KLHL1: variants seen among roughly 807,000 people sequenced by gnomAD.
KLHL1 encodes the protein kelch-like protein 1.
Under a neutral mutation model 77.7 loss-of-function variants are expected in KLHL1, and 47 were observed. The observed-to-expected ratio is 0.60, with a 90% CI of 0.48 to 0.77. KLHL1 has a LOEUF of 0.77. Ranked by LOEUF, KLHL1 falls within the 30% of genes least tolerant of loss-of-function variation. The pLI is 0.00. For missense variants in KLHL1, 925 were observed against 910.8 expected (o/e 1.02, Z -0.20); for synonymous variants, 360 against 325.2 (o/e 1.11, Z -1.15).
At chr13:70,037,200 T>G (rs76764434) in intron 1 of KLHL1, among the ~76,000 whole-genome samples, 1 of 152,120 alleles carries the variant, frequency 6.6e-6, no homozygotes, top group East Asian at 1.9e-4. Flanking sequence ...TTTTCCTTCA[T>G]GCATTCTTGA....
At position 69,866,462 on chromosome 13, in the gene KLHL1, A is replaced by T. The variant is rs186712711; in HGVS notation, c.1227+15821T>A. Among the ~76,000 whole-genome samples, 21 of 152,244 alleles carry T rather than the reference A, an allele frequency of 1.4e-4. No homozygotes were observed. The East Asian group carries it at 2.7e-3, about 20-fold the overall frequency. The stretch of plus-strand genomic sequence containing the variant: ...TTAAGCTTTACCATTAAGAATCCCA[A>T]AGTTAAAACAAAAATCATCTAGAAC... On this transcript the variant is annotated intron_variant, in intron 5 of 10. Coordinates refer to ENST00000377844, the MANE Select transcript of KLHL1 (RefSeq NM_020866.3).
chr13:69,992,921 G>C (rs961246758), intron 1 of KLHL1, among the ~76,000 whole-genome samples: 3 of 141,926 alleles, frequency 2.1e-5, no homozygotes, highest in African/African-American at 7.7e-5. Context: ...ATGCTGCAGA[G>C]GGAAAAAAAA....
intron 8 of KLHL1, among the ~76,000 whole-genome samples, chr13:69,724,824 G>C (rs1873224419): frequency 6.6e-6 from 1 of 152,030 alleles, no homozygotes; most frequent in South Asian, 2.1e-4. Flanking sequence ...AGCTTGGATA[G>C]GAAGAAATGG....
chr13:69,729,324 T>G (rs1873440059), intron 8 of KLHL1, among the ~76,000 whole-genome samples: 1 of 152,176 alleles, frequency 6.6e-6, no homozygotes, highest in South Asian at 2.1e-4. Context: ...AACACACTCA[T>G]TAATTTTAAG....
intron 4 of KLHL1, among the ~76,000 whole-genome samples, chr13:69,911,434 T>C (rs1882235738): frequency 6.6e-6 from 1 of 152,048 alleles, no homozygotes; most frequent in Non-Finnish European, 1.5e-5. Context: ...ATATGAAATA[T>C]ATTGCTGAGT....
intron 1 of KLHL1, among the ~76,000 whole-genome samples, chr13:70,025,301 A>G (rs1187224193): frequency 6.6e-6 from 1 of 152,012 alleles, no homozygotes; most frequent in East Asian, 1.9e-4. Flanking sequence ...ACCAAAACAT[A>G]GGCTGTAATT....
chr13:70,053,438 G>T (rs1298578937), intron 1 of KLHL1, among the ~76,000 whole-genome samples: 1 of 151,980 alleles, frequency 6.6e-6, no homozygotes, highest in Non-Finnish European at 1.5e-5. Flanking sequence ...ATGTGATTTA[G>T]AAACAACTCA....
intron 6 of KLHL1, among the ~76,000 whole-genome samples, chr13:69,797,419 AT>A (rs1877158211): frequency 1.3e-5 from 2 of 152,310 alleles, no homozygotes; most frequent in South Asian, 4.1e-4. Flanking sequence ...TTTTCTTTAA[AT>A]TTGTCATACG....
At chr13:69,971,885 G>A (rs977656521) in intron 2 of KLHL1, among the ~76,000 whole-genome samples, 2 of 152,048 alleles carry the variant, frequency 1.3e-5, no homozygotes, top group Non-Finnish European at 2.9e-5. Context: ...GTTTTAATTA[G>A]TGCAAAGAAA....
At position 69,750,302 on chromosome 13, in the gene KLHL1, G is replaced by A. The variant is rs904388840; in HGVS notation, c.1640-9746C>T. On this transcript the variant is annotated intron_variant, in intron 7 of 10. Coordinates refer to ENST00000377844, the MANE Select transcript of KLHL1 (RefSeq NM_020866.3). ...TGTAAAATCAGTGATTAGGGTGACT[G>A]AATTCCAATGCTCTCAGATAGTTTT... 4.0e-5 allele frequency among the ~76,000 whole-genome samples: 6 copies of A among 151,788 alleles called. No homozygotes were observed. In the South Asian group the frequency reaches 1.2e-3, roughly 31 times the overall value.
At position 70,048,130 on chromosome 13, in the gene KLHL1, T is replaced by C. The variant is rs1886546182; in HGVS notation, c.497+59073A>G. Among the ~76,000 whole-genome samples the C allele has an allele frequency of 2.0e-5, 3 of 152,222 alleles. No homozygotes were observed. In the South Asian group the frequency reaches 6.2e-4, roughly 32 times the overall value. ...AGGAAAATCTTAAAAAATGATATTA[T>C]TGCACAAGTTACATTTTTGGCAACT... On this transcript the variant is annotated intron_variant, in intron 1 of 10. Coordinates refer to ENST00000377844, the MANE Select transcript of KLHL1 (RefSeq NM_020866.3).
intron 9 of KLHL1, among the ~76,000 whole-genome samples, chr13:69,719,162 ATAAG>A (rs1164082155): frequency 6.6e-6 from 1 of 151,664 alleles, no homozygotes; most frequent in Non-Finnish European, 1.5e-5. Flanking sequence ...GAATAAAAGA[ATAAG>A]AAAATAAAAG....
intron 1 of KLHL1, among the ~76,000 whole-genome samples, chr13:70,060,654 G>T (rs1886858376): frequency 6.6e-6 from 1 of 151,998 alleles, no homozygotes; most frequent in Non-Finnish European, 1.5e-5. Context: ...GACCAGCCTG[G>T]CCAACGTGGT....
chr13:70,095,135 A>T (rs1402685386), intron 1 of KLHL1, among the ~76,000 whole-genome samples: 2 of 152,190 alleles, frequency 1.3e-5, no homozygotes, highest in Admixed American at 6.5e-5. Context: ...TGCTTCAGTC[A>T]TTGATCTACC....
At chr13:69,852,534 G>A (rs1360065020) in intron 5 of KLHL1, among the ~76,000 whole-genome samples, 1 of 151,840 alleles carries the variant, frequency 6.6e-6, no homozygotes, top group Non-Finnish European at 1.5e-5. Context: ...CTTTTAATTT[G>A]ACTCACACTA....
At chr13:69,775,474 A>G (rs1028621962) in intron 7 of KLHL1, among the ~76,000 whole-genome samples, 62 of 152,030 alleles carry the variant, frequency 4.1e-4, no homozygotes, top group African/African-American at 1.4e-3. Flanking sequence ...CAAATATTTG[A>G]TTTTCTATAT....
At position 69,719,393 on chromosome 13, in the gene KLHL1, G is replaced by C; in HGVS notation, c.1991C>G (p.Ser664Cys). The change falls in exon 9 of 11, where the codon TCC becomes TGC. Residue 664 changes from serine to cysteine, a missense_variant. Coordinates refer to ENST00000377844, the MANE Select transcript of KLHL1 (RefSeq NM_020866.3). ...CCTTTCTACATAATCCAGTAGCCGG[G>C]AACAGTGATTTGAAGCAGGAGCATC... ...GHDAPASNHC[S>C]RLLDYVERYD... The C allele has an allele frequency of 9.3e-6, 15 of 1,613,346 alleles. No homozygotes were observed. Among genetic ancestry groups the C allele is most frequent in the Non-Finnish European group, 1.2e-5 (14 of 1,179,624 alleles).
chr13:70,094,126 C>G (rs1024198880), intron 1 of KLHL1, among the ~76,000 whole-genome samples: 4 of 152,042 alleles, frequency 2.6e-5, no homozygotes, highest in Non-Finnish European at 4.4e-5. Flanking sequence ...AAAGTACCCT[C>G]TTATCAGAGG....
chr13:69,835,579 G>C (rs374063364), intron 6 of KLHL1, among the ~76,000 whole-genome samples: 34 of 152,150 alleles, frequency 2.2e-4, no homozygotes, highest in African/African-American at 7.7e-4. Flanking sequence ...TTTGGTTCTG[G>C]GTTGAAGCAG....
Sources: gnomAD v4.1 joint callset for allele counts (sites outside exome capture counted in the v4.1 genomes callset) on GRCh38, gnomAD v4.1.1 for gene constraint, MANE v1.5 for transcripts, NCBI Gene and HGNC (gene_info 2026-07-23, HGNC 2026-07-21) for gene names.